GRM4: variants seen among roughly 807,000 people sequenced by gnomAD.
The protein encoded by GRM4 is metabotropic glutamate receptor 4.
In GRM4, 28 loss-of-function variants were observed where a neutral mutation model predicts 81.7. That is an observed-to-expected ratio of 0.34 (90% CI 0.25 to 0.47). The LOEUF is 0.47. Among genes scored for constraint, GRM4 ranks in the 20% least tolerant of loss-of-function variants. The pLI is 1.00. For synonymous variants in GRM4, 488 were observed against 528.8 expected, an observed-to-expected ratio of 0.92 and a Z score of 1.06; for missense variants, 948 against 1,290.0, an observed-to-expected ratio of 0.73 and a Z score of 4.06.
At chr6:34,027,917 G>A (rs886937816) in intron 10 of GRM4, among the ~76,000 whole-genome samples, 15 of 152,164 alleles carry the variant, frequency 9.9e-5, no homozygotes, top group Non-Finnish European at 2.1e-4. Flanking sequence ...AGGACAGAAC[G>A]GGCTCTAATG....
chr6:34,101,818 T>C (rs1457226743), intron 2 of GRM4, among the ~76,000 whole-genome samples: 5 of 152,256 alleles, frequency 3.3e-5, no homozygotes, highest in African/African-American at 1.2e-4. Flanking sequence ...CGAGATGAAA[T>C]TGATTTAATT....
chr6:34,063,520 A>AAC (rs149308804), intron 3 of GRM4: 4 of 152,582 alleles, frequency 2.6e-5, no homozygotes, highest in Admixed American at 1.3e-4. Flanking sequence ...CACAGGACAC[A>AAC]ACACACACAC....
At chr6:34,061,580 A>G in intron 4 of GRM4, 1 of 271,498 alleles carries the variant, frequency 3.7e-6, no homozygotes, top group East Asian at 7.1e-5. Flanking sequence ...AGGTGGGAGA[A>G]CAGCATTAGA....
At chr6:34,039,708 C>T (rs1233764659) in intron 8 of GRM4, among the ~76,000 whole-genome samples, 1 of 152,268 alleles carries the variant, frequency 6.6e-6, no homozygotes, top group African/African-American at 2.4e-5. Context: ...GCTCACTACC[C>T]ACCAGTCAGT....
Position 34,036,106 on chromosome 6 carries a change from T to C in GRM4, c.2004A>G (p.Ala668=). Residue 668 remains alanine, a synonymous_variant, in exon 9 of 11, where the codon GCA becomes GCG. Coordinates refer to ENST00000538487, the MANE Select transcript of GRM4 (RefSeq NM_000841.4). The surrounding 1 kb of genome is among the most constrained non-coding windows in gnomAD (Gnocchi z 9.0). ...TGCGGTTGGTCTTGGTGAGCAGGGC[T>C]GCATAGCTGATGCTCATCCCTAGTC... ...FLGLGMSISY[A]ALLTKTNRIY... 6.2e-7 allele frequency: 1 copy of C among 1,614,184 alleles called. No individual in the cohort carries two copies. Among genetic ancestry groups the C allele is most frequent in the Non-Finnish European group, 8.5e-7 (1 of 1,180,026 alleles).
rs1767524859 is a variant in GRM4 at position 34,080,441 on chromosome 6, G to A, written c.736+11442C>T. ...CCCCACAAGGCCAGGAGCTTCATCT[G>A]CTTAGTCCACGGCCGTACCCCAGTG... On this transcript the variant is annotated intron_variant, in intron 3 of 10. Coordinates refer to ENST00000538487, the MANE Select transcript of GRM4 (RefSeq NM_000841.4). This position sits in a 1 kb window ranked among gnomAD's most constrained non-coding sequence, Gnocchi z 5.4. Among the ~76,000 whole-genome samples, 1 of 152,234 alleles carries A rather than the reference G, an allele frequency of 6.6e-6. No individual in the cohort carries two copies. The highest frequency in any genetic ancestry group is 2.4e-5 in the African/African-American group (1 of 41,458).
At chr6:34,076,733 T>TGCTGGGG (rs1243403628) in intron 3 of GRM4, among the ~76,000 whole-genome samples, 2 of 152,100 alleles carry the variant, frequency 1.3e-5, no homozygotes, top group African/African-American at 4.8e-5. Context: ...GATGGACAGA[T>TGCTGGGG]GCTGGGGGCT....
At chr6:34,051,330 A>T (rs1765599181) in intron 6 of GRM4, among the ~76,000 whole-genome samples, 1 of 152,192 alleles carries the variant, frequency 6.6e-6, no homozygotes. Context: ...GAGCTTGACA[A>T]TTAATAAATG....
At chr6:34,081,654 G>A (rs541038400) in intron 3 of GRM4, among the ~76,000 whole-genome samples, 55 of 152,354 alleles carry the variant, frequency 3.6e-4, no homozygotes, top group African/African-American at 1.0e-3. Flanking sequence ...GGCTGAGAGT[G>A]GGACGCAGGC....
chr6:34,038,147 T>G (rs921375328), intron 8 of GRM4, among the ~76,000 whole-genome samples: 2 of 152,184 alleles, frequency 1.3e-5, no homozygotes, highest in African/African-American at 4.8e-5. Context: ...TCCGGAAAAC[T>G]CTGTGATTCA....
rs568248496 is a variant in GRM4 at position 34,044,867 on chromosome 6, T to A, written c.1169-4119A>T. Among the ~76,000 whole-genome samples, 3 of 138,552 alleles carry A rather than the reference T, an allele frequency of 2.2e-5. No homozygotes were observed. In the South Asian group the frequency reaches 6.9e-4, roughly 32 times the overall value. 90.9% of individuals were successfully genotyped at this position (138,552 alleles called of 152,430 possible). ...ATATACATAGACACACACACAGACA[T>A]ACATACACATATATACAGACATACA... On this transcript the variant is annotated intron_variant, in intron 6 of 10. Coordinates refer to ENST00000538487, the MANE Select transcript of GRM4 (RefSeq NM_000841.4).
rs758953339 is a variant in GRM4, at chr6:34,092,096, G to T, written c.523C>A (p.Pro175Thr). The change falls in exon 3 of 11, where the codon CCC becomes ACC. Residue 175 changes from proline to threonine, a missense_variant. Transcript: ENST00000538487. This position sits in a 1 kb window ranked among gnomAD's most constrained non-coding sequence, Gnocchi z 6.8. ...GCTGTGGAGGCGTAGCTGATCTGGG[G>T]TATCTGAGGGGCGAGAGGGGCTGCT... Reference protein sequence around the residue: ...VANILRLFKIPQISYASTAPD... With the variant: ...VANILRLFKITQISYASTAPD... 6.3e-7 allele frequency: 1 copy of T among 1,596,774 alleles called. No homozygotes were observed. Among genetic ancestry groups the T allele is most frequent in the Non-Finnish European group, 8.6e-7 (1 of 1,166,276 alleles).
In GRM4 at chr6:34,080,007, A is replaced by G. The variant is rs1419710987; in HGVS notation, c.736+11876T>C. Among the ~76,000 whole-genome samples, 3 of 149,886 alleles carry G rather than the reference A, an allele frequency of 2.0e-5. No individual in the cohort carries two copies. Among genetic ancestry groups the G allele is most frequent in the South Asian group, 2.2e-4 (1 of 4,544 alleles). On this transcript the variant is annotated intron_variant, in intron 3 of 10. Transcript: ENST00000538487. This position sits in a 1 kb window ranked among gnomAD's most constrained non-coding sequence, Gnocchi z 5.4. The stretch of plus-strand genomic sequence containing the variant: ...AGCCAAAGTCCCCACAGGCCCCCCC[A>G]GGGCCCCATGCAATTTGCCCTCCTC...
At position 34,022,982 on chromosome 6, in the gene GRM4, A is replaced by C; in HGVS notation, c.2690-112T>G. 1.2e-6 allele frequency: 1 copy of C among 845,942 alleles called. No homozygotes were observed. The highest frequency in any genetic ancestry group is 1.4e-5 in the South Asian group (1 of 73,272). 52.4% of individuals were successfully genotyped at this position (845,942 alleles called of 1,614,324 possible). ...AACCTACCATAGCTCCCCGCCTCTCATGGCATCCAGTCCTGAGCTGAGCAA... is the reference window on the plus strand; with the variant it reads ...AACCTACCATAGCTCCCCGCCTCTCCTGGCATCCAGTCCTGAGCTGAGCAA... On this transcript the variant is annotated intron_variant, in intron 10 of 10. Coordinates refer to ENST00000538487, the MANE Select transcript of GRM4 (RefSeq NM_000841.4). This position sits in a 1 kb window ranked among gnomAD's most constrained non-coding sequence, Gnocchi z 5.6.
At chr6:34,108,212 A>G (rs1769213007) in intron 2 of GRM4, among the ~76,000 whole-genome samples, 2 of 152,230 alleles carry the variant, frequency 1.3e-5, no homozygotes, top group African/African-American at 4.8e-5. Flanking sequence ...AACTCACCGC[A>G]TGACCTCAAA....
At chr6:34,086,931 G>A (rs186541930) in intron 3 of GRM4, among the ~76,000 whole-genome samples, 71 of 152,232 alleles carry the variant, frequency 4.7e-4, no homozygotes, top group African/African-American at 1.6e-3. Flanking sequence ...AGGCCAGCCC[G>A]GGCAACATGG....
intron 2 of GRM4, among the ~76,000 whole-genome samples, chr6:34,097,232 CAG>C (rs948740056): frequency 6.6e-6 from 1 of 152,056 alleles, no homozygotes; most frequent in African/African-American, 2.4e-5. Flanking sequence ...GCAGAGTGGC[CAG>C]AGAGACCTCT....
intron 6 of GRM4, among the ~76,000 whole-genome samples, chr6:34,046,107 C>G (rs946569704): frequency 6.6e-6 from 1 of 152,192 alleles, no homozygotes; most frequent in African/African-American, 2.4e-5. Flanking sequence ...ACCAGCCCAG[C>G]CACAATCCTC....
At position 34,078,578 on chromosome 6, in the gene GRM4, T is replaced by C. The variant is rs1767434397; in HGVS notation, c.736+13305A>G. ...GACCTGACAAGTGGCCTCTGCTCTC[T>C]CAGCCTGTTTCCTACCTGTGAAATG... On this transcript the variant is annotated intron_variant, in intron 3 of 10. Coordinates refer to ENST00000538487, the MANE Select transcript of GRM4 (RefSeq NM_000841.4). This position sits in a 1 kb window ranked among gnomAD's most constrained non-coding sequence, Gnocchi z 4.8. Among the ~76,000 whole-genome samples the C allele has an allele frequency of 6.6e-6, 1 of 152,178 alleles. No individual in the cohort carries two copies. Among genetic ancestry groups the C allele is most frequent in the Non-Finnish European group, 1.5e-5 (1 of 68,038 alleles).
Sources: allele counts gnomAD v4.1 joint callset (sites outside exome capture counted in the v4.1 genomes callset), GRCh38; gene constraint gnomAD v4.1.1; non-coding constraint Gnocchi (gnomAD v3.1); transcripts MANE v1.5; gene names NCBI Gene and HGNC (gene_info 2026-07-23, HGNC 2026-07-21).